The following ABCG8 variants were observed in gnomAD, a reference collection of about 807,000 sequenced individuals.
The protein encoded by ABCG8 is ATP-binding cassette sub-family G member 8.
Under a neutral mutation model 71.3 loss-of-function variants are expected in ABCG8, and 81 were observed. The observed-to-expected ratio is 1.14, with a 90% confidence interval of 0.95 to 1.37. The LOEUF is 1.37. ABCG8 is among the 40% of genes most tolerant of loss of function. The pLI is 0.00. For missense variants in ABCG8, 1,119 were observed against 866.2 expected (o/e 1.29, Z -3.66); for synonymous variants, 451 against 354.7 (o/e 1.27, Z -3.05).
At chr2:43,854,176 G>A (rs1467408483) in intron 6 of ABCG8, among the ~76,000 whole-genome samples, 2 of 152,196 alleles carry the variant, frequency 1.3e-5, no homozygotes, top group Admixed American at 1.3e-4. Flanking sequence ...CAAGCCCTGG[G>A]GCAGGAACCT....
intron 8 of ABCG8, among the ~76,000 whole-genome samples, chr2:43,873,189 ATTT>A (rs71393209): frequency 0.052 from 7,354 of 140,442 alleles, 223 homozygotes; most frequent in Middle Eastern, 0.11. Context: ...TTGAGCGTAC[ATTT>A]TTTTTTTTTT....
chr2:43,857,343 T>C (rs1052481175), intron 6 of ABCG8, among the ~76,000 whole-genome samples: 1 of 151,536 alleles, frequency 6.6e-6, no homozygotes, highest in East Asian at 2.0e-4. Context: ...TGGATAGAAC[T>C]CTCTCGTATT....
rs4953028 is a variant in ABCG8 at position 43,874,688 on chromosome 2, G to A, written c.1488+205G>A. On this transcript the variant is annotated intron_variant, in intron 10 of 12. Transcript: ENST00000272286. ...AAACATTTACCAAAACACCAGGACTGTGGACCAGGAATGATAGTTTTCTGG... is the reference window on the plus strand; with the variant it reads ...AAACATTTACCAAAACACCAGGACTATGGACCAGGAATGATAGTTTTCTGG... Among the ~76,000 whole-genome samples, 83,689 of 152,042 alleles carry A rather than the reference G, an allele frequency of 0.55. 24,464 individuals carry two copies. Among genetic ancestry groups the A allele is most frequent in the East Asian group, 0.95 (4,923 of 5,168 alleles).
intron 6 of ABCG8, among the ~76,000 whole-genome samples, chr2:43,870,054 T>C (rs1669708065): frequency 6.6e-6 from 1 of 152,122 alleles, no homozygotes; most frequent in African/African-American, 2.4e-5. Flanking sequence ...ATTCTTACTC[T>C]TGATAGAACT....
At chr2:43,861,496 T>C (rs1340658103) in intron 6 of ABCG8, among the ~76,000 whole-genome samples, 6 of 151,260 alleles carry the variant, frequency 4.0e-5, no homozygotes, top group African/African-American at 1.5e-4. Flanking sequence ...CTGGATAGAA[T>C]TCTCACTCTC....
chr2:43,842,029 CAG>C (rs968165386), intron 1 of ABCG8, among the ~76,000 whole-genome samples: 23 of 150,342 alleles, frequency 1.5e-4, no homozygotes, highest in Non-Finnish European at 1.5e-4. Context: ...TTTTTTTTGA[CAG>C]AGTCTCACGC....
At position 43,851,655 on chromosome 2, in the gene ABCG8, A is replaced by C. The variant is rs1433059182; in HGVS notation, c.394A>C (p.Ile132Leu). 14 of 1,614,112 alleles carry C rather than the reference A, an allele frequency of 8.7e-6. No individual in the cohort carries two copies. Among genetic ancestry groups the C allele is most frequent in the Non-Finnish European group, 1.0e-5 (12 of 1,180,052 alleles). The change falls in exon 4 of 13, where the codon ATC becomes CTC. Residue 132 changes from isoleucine to leucine, a missense_variant. Physicochemically the swap from Ile to Leu is conservative, Grantham distance 5. Coordinates refer to ENST00000272286, the MANE Select transcript of ABCG8 (RefSeq NM_022437.3). ...GHGGKIKSGQ[I>L]WINGQPSSPQ... ...CGGCGGCAAGATCAAGTCAGGCCAG[A>C]TCTGGATCAATGGGCAGCCCAGCTC... is the stretch of plus-strand genomic sequence containing the variant.
At chr2:43,871,129 T>C (rs141102169) in intron 6 of ABCG8, among the ~76,000 whole-genome samples, 7,612 of 151,494 alleles carry the variant, frequency 0.05, 114 homozygotes, top group Middle Eastern at 0.097. Flanking sequence ...ACTATCTGGA[T>C]AGAATTCTCA....
In ABCG8 at chr2:43,882,628, C is replaced by T. The variant is rs1005280247; in HGVS notation, c.*4715C>T. Reference sequence around the variant, plus strand: ...CATTCGTACTTGATAATGATTTGTTCTTCATTTAAAGTGGCCTGGGTACAG... The same window carrying T: ...CATTCGTACTTGATAATGATTTGTTTTTCATTTAAAGTGGCCTGGGTACAG... On this transcript the variant is annotated 3_prime_UTR_variant, in exon 13 of 13. Transcript: ENST00000272286. 6.6e-6 allele frequency: 1 copy of T among 152,178 alleles called. No homozygotes were observed. The highest frequency in any genetic ancestry group is 2.4e-5 in the African/African-American group (1 of 41,430). The allele number at this position is 152,178 out of a possible 1,614,324, so 9.4% of individuals were successfully genotyped here.
Position 43,872,111 on chromosome 2 carries a change from A to T in ABCG8, c.1100A>T (p.Asp367Val). ...TTTCTATGGAAAGCAGAGACGAAGG[A>T]TCTTGACGAGGACACCTGTGTGGAA... ...DDFLWKAETK[D>V]LDEDTCVESS... Residue 367 changes from aspartate (D) to valine (V), a missense_variant, in exon 7 of 13, where the codon GAT becomes GTT. Coordinates refer to ENST00000272286, the MANE Select transcript of ABCG8 (RefSeq NM_022437.3). The T allele has an allele frequency of 6.2e-7, 1 of 1,614,084 alleles. No individual in the cohort carries two copies.
At chr2:43,875,908 C>T (rs1182507506) in intron 11 of ABCG8, among the ~76,000 whole-genome samples, 1 of 152,134 alleles carries the variant, frequency 6.6e-6, no homozygotes, top group Non-Finnish European at 1.5e-5. Context: ...CCCCAGCTTT[C>T]TGAAGCCCCC....
At chr2:43,852,237 T>C (rs778114115) in intron 4 of ABCG8, 117 bp from the exon 5 acceptor site, 4 of 1,403,766 alleles carry the variant, frequency 2.8e-6, no homozygotes, top group Non-Finnish European at 4.0e-6. Flanking sequence ...GCTGGAGCTG[T>C]CTCCCTTCAC....
chr2:43,840,749 G>A (rs1446970031), intron 1 of ABCG8, among the ~76,000 whole-genome samples: 4 of 152,060 alleles, frequency 2.6e-5, no homozygotes, highest in African/African-American at 4.8e-5. Flanking sequence ...CTTCCAGCCC[G>A]AGCCACAACC....
chr2:43,848,743 C>T lies in ABCG8; in HGVS notation c.322+2432C>T, dbSNP rs186201359. ...ACAAAGAAAACAGCCAGGCTGGGCACGGTGGCTCATGCCTGTAATCCCAGC... is the reference window on the plus strand; with the variant it reads ...ACAAAGAAAACAGCCAGGCTGGGCATGGTGGCTCATGCCTGTAATCCCAGC... On this transcript the variant is annotated intron_variant, in intron 3 of 12. Coordinates refer to ENST00000272286, the MANE Select transcript of ABCG8 (RefSeq NM_022437.3). Among the ~76,000 whole-genome samples, 50 of 152,146 alleles carry T rather than the reference C, an allele frequency of 3.3e-4. No homozygotes were observed. The Middle Eastern group carries it at 0.01, about 31-fold the overall frequency.
At chr2:43,859,839 C>T (rs1005844711) in intron 6 of ABCG8, among the ~76,000 whole-genome samples, 1 of 150,368 alleles carries the variant, frequency 6.7e-6, no homozygotes, top group Non-Finnish European at 1.5e-5. Flanking sequence ...TTAGAACTTT[C>T]ACTATCTGGA....
intron 3 of ABCG8, chr2:43,847,038 G>GA (rs1668768068): frequency 6.6e-6 from 1 of 151,126 alleles, no homozygotes. Flanking sequence ...CCCTCCATTT[G>GA]ACAGATGAGG....
At chr2:43,860,209 C>G (rs545874940) in intron 6 of ABCG8, among the ~76,000 whole-genome samples, 1 of 151,336 alleles carries the variant, frequency 6.6e-6, no homozygotes, top group African/African-American at 2.4e-5. Context: ...TTCTCACCAT[C>G]TGGATAAAAC....
At chr2:43,870,967 T>A (rs902209594) in intron 6 of ABCG8, among the ~76,000 whole-genome samples, 1 of 151,980 alleles carries the variant, frequency 6.6e-6, no homozygotes, top group Middle Eastern at 3.5e-3. Flanking sequence ...TGGATAGAAC[T>A]CTCACCATCT....
chr2:43,863,166 A>C (rs1234954574), intron 6 of ABCG8, among the ~76,000 whole-genome samples: 1 of 149,930 alleles, frequency 6.7e-6, no homozygotes, highest in Non-Finnish European at 1.5e-5. Context: ...TAGAATTTTC[A>C]CTCTCTGGAT....
Sources: gnomAD v4.1 joint callset for allele counts (sites outside exome capture counted in the v4.1 genomes callset) on GRCh38, gnomAD v4.1.1 for gene constraint, MANE v1.5 for transcripts, NCBI Gene and HGNC (gene_info 2026-07-23, HGNC 2026-07-21) for gene names.